COX10: variants seen among roughly 807,000 people sequenced by gnomAD.
The protein encoded by COX10 is cytochrome c oxidase assembly factor heme A:farnesyltransferase COX10.
In COX10, 27 loss-of-function variants were observed where a neutral mutation model predicts 37.3. The ratio of observed to expected loss-of-function variants is 0.72; its 90% confidence interval spans 0.53 to 1.00. The LOEUF (loss-of-function observed/expected upper bound fraction) is 1.00, where lower values mean the gene tolerates loss of function less well. COX10 is among the 50% of genes least tolerant of loss of function. COX10 has a pLI of 0.00. For synonymous variants in COX10, 222 were observed against 229.1 expected (o/e 0.97, Z 0.28); for missense variants, 475 against 563.2 (o/e 0.84, Z 1.59).
chr17:14,102,330 C>CAT lies in COX10; in HGVS notation c.624+93_624+94dup, dbSNP rs3051866. ...CATATTTTTAAATACCTTCCAAACTCATATATTGATGGAGAAGCATTTGTA... is the reference window on the plus strand; with the variant it reads ...CATATTTTTAAATACCTTCCAAACTCATATATATTGATGGAGAAGCATTTGTA... On this transcript the variant is annotated intron_variant, in intron 4 of 6. Coordinates refer to ENST00000261643, the MANE Select transcript of COX10 (RefSeq NM_001303.4). 920,062 of 1,536,468 alleles carry CAT rather than the reference C, an allele frequency of 0.6. 279,159 individuals are homozygous for CAT. The highest frequency in any genetic ancestry group is 0.68 in the Middle Eastern group (3,208 of 4,724).
chr17:14,105,744 G>A (rs1915877258), intron 4 of COX10, among the ~76,000 whole-genome samples: 1 of 152,038 alleles, frequency 6.6e-6, no homozygotes, highest in African/African-American at 2.4e-5. Context: ...TTCTGTGTTA[G>A]AGATACAGCT....
chr17:14,195,616 A>G (rs1906345568), intron 6 of COX10, among the ~76,000 whole-genome samples: 2 of 152,340 alleles, frequency 1.3e-5, no homozygotes, highest in African/African-American at 4.8e-5. Flanking sequence ...TCACATGAAT[A>G]TGTACATCAA....
chr17:14,151,918 A>T (rs1904912463), intron 4 of COX10, among the ~76,000 whole-genome samples: 1 of 152,302 alleles, frequency 6.6e-6, no homozygotes, highest in Admixed American at 6.5e-5. Flanking sequence ...AGGTATGTTT[A>T]TTTGCAATGA....
chr17:14,205,575 G>A (rs140768792), intron 6 of COX10, among the ~76,000 whole-genome samples: 7 of 152,104 alleles, frequency 4.6e-5, no homozygotes, highest in African/African-American at 7.2e-5. Flanking sequence ...CATAGTAGGC[G>A]CCCGGGGAGC....
chr17:14,154,810 T>C (rs143355983), intron 4 of COX10, among the ~76,000 whole-genome samples: 53 of 152,324 alleles, frequency 3.5e-4, no homozygotes, highest in Non-Finnish European at 6.9e-4. Flanking sequence ...CGATATTATT[T>C]TCTTCAACCC....
At chr17:14,187,407 A>T in intron 5 of COX10, among the ~76,000 whole-genome samples, 1 of 152,234 alleles carries the variant, frequency 6.6e-6, no homozygotes, top group Non-Finnish European at 1.5e-5. Context: ...TGTTATAAAT[A>T]TTAATGATGT....
At chr17:14,129,234 G>A (rs1303604002) in intron 4 of COX10, among the ~76,000 whole-genome samples, 1 of 150,004 alleles carries the variant, frequency 6.7e-6, no homozygotes, top group African/African-American at 2.5e-5. Context: ...GATATATTGT[G>A]TTTAAATTTT....
At chr17:14,168,755 G>A (rs1884161004) in intron 5 of COX10, among the ~76,000 whole-genome samples, 1 of 152,160 alleles carries the variant, frequency 6.6e-6, no homozygotes, top group Non-Finnish European at 1.5e-5. Flanking sequence ...TGCCCACCAT[G>A]TCCTGAGGCT....
intron 3 of COX10, among the ~76,000 whole-genome samples, chr17:14,092,755 A>T (rs1183298610): frequency 1.3e-5 from 2 of 152,168 alleles, no homozygotes; most frequent in African/African-American, 4.8e-5. Context: ...TAAAAAAGAG[A>T]TGAAAATCAT....
chr17:14,126,908 T>C (rs544246526), intron 4 of COX10, among the ~76,000 whole-genome samples: 6 of 152,256 alleles, frequency 3.9e-5, no homozygotes, highest in African/African-American at 1.4e-4. Flanking sequence ...ATTACTGAAA[T>C]ATGCTAAATC....
chr17:14,153,675 C>T (rs900210991), intron 4 of COX10, among the ~76,000 whole-genome samples: 1 of 152,182 alleles, frequency 6.6e-6, no homozygotes, highest in Non-Finnish European at 1.5e-5. Flanking sequence ...AGTGGCACAA[C>T]CACTTCGTGA....
intron 4 of COX10, among the ~76,000 whole-genome samples, chr17:14,118,790 CTTA>C (rs1336377161): frequency 6.6e-6 from 1 of 151,526 alleles, no homozygotes; most frequent in Non-Finnish European, 1.5e-5. Flanking sequence ...TCTAGGTATT[CTTA>C]TCTCTTAGAT....
In COX10 at chr17:14,080,275, G is replaced by A. The variant is rs984278181; in HGVS notation, c.499+3219G>A. On this transcript the variant is annotated intron_variant, in intron 3 of 6. Coordinates refer to ENST00000261643, the MANE Select transcript of COX10 (RefSeq NM_001303.4). Reference sequence around the variant, plus strand: ...GTCTTGCTCTGTCACCCAGGCTGGAGTCCAGTGGCGAGATCTCAGCTCACT... The same window carrying A: ...GTCTTGCTCTGTCACCCAGGCTGGAATCCAGTGGCGAGATCTCAGCTCACT... Among the ~76,000 whole-genome samples, 6 of 139,232 alleles carry A rather than the reference G, an allele frequency of 4.3e-5. No individual in the cohort carries two copies. The Admixed American group carries it at 4.7e-4, about 11-fold the overall frequency. The allele number at this position is 139,232 out of a possible 152,430, so 91.3% of individuals were successfully genotyped here.
intron 4 of COX10, among the ~76,000 whole-genome samples, chr17:14,149,012 C>T (rs1904812846): frequency 6.8e-6 from 1 of 147,488 alleles, no homozygotes; most frequent in African/African-American, 2.5e-5. Context: ...ACATATATAA[C>T]AATATATTTA....
chr17:14,196,973 A>G (rs1045087975), intron 6 of COX10, among the ~76,000 whole-genome samples: 1 of 152,172 alleles, frequency 6.6e-6, no homozygotes, highest in Non-Finnish European at 1.5e-5. Context: ...CTTCTGAGCC[A>G]AGACATCAAA....
chr17:14,095,311 C>G (rs975916305), intron 3 of COX10, among the ~76,000 whole-genome samples: 2 of 152,168 alleles, frequency 1.3e-5, no homozygotes, highest in Admixed American at 1.3e-4. Flanking sequence ...TTTGTAGTAG[C>G]TGCTTAAAAG....
At chr17:14,206,763 G>A (rs535916864) in intron 6 of COX10, 47 bp from the exon 7 acceptor site, 3 of 1,610,440 alleles carry the variant, frequency 1.9e-6, no homozygotes, top group Admixed American at 1.7e-5. Context: ...GGAAATCTCT[G>A]GTGATGACTG....
chr17:14,184,861 A>G (rs1403783354), intron 5 of COX10, among the ~76,000 whole-genome samples: 6 of 150,768 alleles, frequency 4.0e-5, no homozygotes, highest in African/African-American at 1.5e-4. Context: ...TATAGTAGTT[A>G]TCAAATCTCA....
At chr17:14,104,721 CTG>C (rs760859453) in intron 4 of COX10, among the ~76,000 whole-genome samples, 2 of 151,914 alleles carry the variant, frequency 1.3e-5, no homozygotes, top group East Asian at 1.9e-4. Flanking sequence ...TCTGTGATCT[CTG>C]TGAAAGTAGA....
Sources: gnomAD v4.1 joint callset for allele counts (sites outside exome capture counted in the v4.1 genomes callset) on GRCh38, gnomAD v4.1.1 for gene constraint, MANE v1.5 for transcripts, NCBI Gene and HGNC (gene_info 2026-07-23, HGNC 2026-07-21) for gene names.